Variants in KLHL1 observed in about 807,000 individuals in gnomAD.
KLHL1 encodes kelch-like protein 1.
In KLHL1, 47 loss-of-function variants were observed where a neutral mutation model predicts 77.7. The ratio of observed to expected loss-of-function variants is 0.60; its 90% CI spans 0.48 to 0.77. The LOEUF is 0.77. KLHL1 is among the 30% of genes least tolerant of loss of function. The pLI is 0.00. For missense variants in KLHL1, 925 were observed against 910.8 expected (o/e 1.02, Z -0.20); for synonymous variants, 360 against 325.2 (o/e 1.11, Z -1.15).
intron 7 of KLHL1, among the ~76,000 whole-genome samples, chr13:69,783,752 C>T (rs1311311866): frequency 7.6e-6 from 1 of 132,392 alleles, no homozygotes; most frequent in Non-Finnish European, 1.6e-5. Flanking sequence ...TTGGAAAACA[C>T]TCTGCGGGAT....
intron 5 of KLHL1, 51 bp downstream of exon 5, chr13:69,882,232 T>C (rs746055357): frequency 4.0e-6 from 5 of 1,238,784 alleles, no homozygotes; most frequent in East Asian, 2.4e-5. Flanking sequence ...ACTTTTAATA[T>C]AGGGTTTTTC....
At chr13:69,986,990 CTTT>C (rs928233142) in intron 1 of KLHL1, among the ~76,000 whole-genome samples, 2 of 146,330 alleles carry the variant, frequency 1.4e-5, no homozygotes, top group Admixed American at 1.3e-4. Context: ...ATTAACTGTA[CTTT>C]TTTTAGATCA....
At chr13:69,872,798 G>T (rs937377535) in intron 5 of KLHL1, among the ~76,000 whole-genome samples, 1 of 151,986 alleles carries the variant, frequency 6.6e-6, no homozygotes, top group African/African-American at 2.4e-5. Context: ...TTTAACAACC[G>T]GCTCTTGTGT....
intron 7 of KLHL1, among the ~76,000 whole-genome samples, chr13:69,761,863 TC>T (rs1329206284): frequency 4.6e-5 from 7 of 152,166 alleles, no homozygotes; most frequent in Admixed American, 4.6e-4. Flanking sequence ...GATAAAATGA[TC>T]CAAATTATAT....
At chr13:69,901,828 G>A (rs375892648) in intron 4 of KLHL1, among the ~76,000 whole-genome samples, 6 of 115,392 alleles carry the variant, frequency 5.2e-5, no homozygotes, top group South Asian at 2.8e-4. Flanking sequence ...ACGGAGTCTC[G>A]CTCTTGTTGC....
At chr13:69,811,647 G>A (rs1337502785) in intron 6 of KLHL1, among the ~76,000 whole-genome samples, 1 of 151,984 alleles carries the variant, frequency 6.6e-6, no homozygotes, top group Non-Finnish European at 1.5e-5. Context: ...GCAAGTTACA[G>A]AAATAAAAGA....
chr13:69,987,722 A>G (rs148525857), intron 1 of KLHL1, among the ~76,000 whole-genome samples: 2,539 of 152,174 alleles, frequency 0.017, 29 homozygotes, highest in Non-Finnish European at 0.026. Flanking sequence ...TGAAATTTAT[A>G]TGAATGACTC....
chr13:69,988,100 A>C (rs977196862), intron 1 of KLHL1, among the ~76,000 whole-genome samples: 1 of 149,508 alleles, frequency 6.7e-6, no homozygotes, highest in African/African-American at 2.5e-5. Flanking sequence ...GGCGGGGGGA[A>C]CCTCTCCTTC....
At chr13:69,886,353 C>T (rs1340016136) in intron 4 of KLHL1, among the ~76,000 whole-genome samples, 2 of 141,846 alleles carry the variant, frequency 1.4e-5, no homozygotes, top group Non-Finnish European at 3.1e-5. Context: ...TTGTTTTATC[C>T]TGAATAGACA....
At chr13:69,822,946 T>C (rs897026025) in intron 6 of KLHL1, among the ~76,000 whole-genome samples, 11 of 151,922 alleles carry the variant, frequency 7.2e-5, no homozygotes, top group African/African-American at 2.4e-4. Flanking sequence ...TAACTTTATG[T>C]TTTTATAACA....
At chr13:70,044,238 T>C (rs535093814) in intron 1 of KLHL1, among the ~76,000 whole-genome samples, 1 of 152,332 alleles carries the variant, frequency 6.6e-6, no homozygotes, top group African/African-American at 2.4e-5. Flanking sequence ...GTACATGCAC[T>C]TCACTTGCTC....
At chr13:70,026,850 T>G in intron 1 of KLHL1, among the ~76,000 whole-genome samples, 1 of 143,714 alleles carries the variant, frequency 7.0e-6, no homozygotes, top group East Asian at 2.8e-4. Context: ...AAACAAAGTA[T>G]ATATTAAAAA....
intron 3 of KLHL1, among the ~76,000 whole-genome samples, chr13:69,949,356 A>G (rs1434584567): frequency 6.6e-6 from 1 of 151,668 alleles, no homozygotes; most frequent in Non-Finnish European, 1.5e-5. Flanking sequence ...TTTGAGGAGT[A>G]CTAATTTAAT....
intron 1 of KLHL1, among the ~76,000 whole-genome samples, chr13:70,068,348 A>G (rs1887062372): frequency 7.2e-6 from 1 of 138,094 alleles, no homozygotes; most frequent in African/African-American, 3.2e-5. Context: ...CTCAAAAACA[A>G]AAACAAAAAC....
chr13:69,940,841 C>T (rs1414228697), intron 3 of KLHL1, among the ~76,000 whole-genome samples: 4 of 136,984 alleles, frequency 2.9e-5, no homozygotes, highest in Admixed American at 7.4e-5. Context: ...AGTGTTTCCT[C>T]TGTTTTTCTA....
In KLHL1 at chr13:69,796,482, C is replaced by A. The variant is rs376193296; in HGVS notation, c.1639+256G>T. ...CCTGTCTCTCTTGCTTCCTGTGTAACCATGTGATCTCTGAATGCATGGCCT... is the reference window on the plus strand; with the variant it reads ...CCTGTCTCTCTTGCTTCCTGTGTAAACATGTGATCTCTGAATGCATGGCCT... On this transcript the variant is annotated intron_variant, in intron 7 of 10. Coordinates refer to ENST00000377844, the MANE Select transcript of KLHL1 (RefSeq NM_020866.3). Among the ~76,000 whole-genome samples the A allele has an allele frequency of 8.2e-4, 125 of 152,212 alleles. 1 individual carries two copies. Among genetic ancestry groups the A allele is most frequent in the African/African-American group, 2.9e-3 (121 of 41,550 alleles).
At chr13:70,090,475 TG>T (rs1887645863) in intron 1 of KLHL1, among the ~76,000 whole-genome samples, 1 of 144,780 alleles carries the variant, frequency 6.9e-6, no homozygotes, top group South Asian at 2.1e-4. Context: ...CAAGGTTTAT[TG>T]AAAAAAAAAA....
chr13:69,808,850 A>G, intron 6 of KLHL1, among the ~76,000 whole-genome samples: 1 of 137,144 alleles, frequency 7.3e-6, no homozygotes, highest in East Asian at 2.0e-4. Flanking sequence ...AAGATGACAT[A>G]GTTGTATTGG....
At chr13:69,861,312 T>G (rs1318500245) in intron 5 of KLHL1, among the ~76,000 whole-genome samples, 4 of 152,116 alleles carry the variant, frequency 2.6e-5, no homozygotes, top group South Asian at 2.1e-4. Context: ...CACCTTTTTG[T>G]GGCTTTTGCT....
Sources: allele counts gnomAD v4.1 joint callset (sites outside exome capture counted in the v4.1 genomes callset), GRCh38; gene constraint gnomAD v4.1.1; transcripts MANE v1.5; gene names NCBI Gene and HGNC (gene_info 2026-07-23, HGNC 2026-07-21).